The following CCDC60 variants were observed in gnomAD, a reference collection of about 807,000 sequenced individuals.
CCDC60 encodes coiled-coil domain containing 60, also known as coiled-coil domain-containing protein 60.
CCDC60 carries 54 observed loss-of-function variants against 63.5 expected under a neutral mutation model. That is an observed-to-expected ratio of 0.85 (90% CI 0.68 to 1.07). The LOEUF (loss-of-function observed/expected upper bound fraction) is 1.07. Ranked by LOEUF, CCDC60 falls within the 50% of genes least tolerant of loss-of-function variation. The pLI, the probability that CCDC60 is intolerant of heterozygous loss-of-function variation, is 0.00. For synonymous variants in CCDC60, 206 were observed against 238.8 expected (o/e 0.86, Z 1.27); for missense variants, 651 against 684.3 (o/e 0.95, Z 0.54).
At chr12:119,399,706 A>G (rs1301614821) in intron 1 of CCDC60, among the ~76,000 whole-genome samples, 1 of 152,180 alleles carries the variant, frequency 6.6e-6, no homozygotes, top group East Asian at 1.9e-4. Context: ...GATGTATGTG[A>G]TGCCATCAGC....
intron 1 of CCDC60, among the ~76,000 whole-genome samples, chr12:119,396,715 A>G (rs909907457): frequency 1.1e-4 from 17 of 152,174 alleles, no homozygotes; most frequent in African/African-American, 4.1e-4. Flanking sequence ...CCCAGTCTCT[A>G]CAAAAAAATT....
At chr12:119,494,275 A>G (rs984895675) in intron 5 of CCDC60, among the ~76,000 whole-genome samples, 3 of 152,170 alleles carry the variant, frequency 2.0e-5, no homozygotes, top group Non-Finnish European at 2.9e-5. Flanking sequence ...TTCCCTAGTT[A>G]CAGTGGAGAA....
chr12:119,406,826 G>A (rs908157098), intron 1 of CCDC60, among the ~76,000 whole-genome samples: 1 of 152,146 alleles, frequency 6.6e-6, no homozygotes, highest in Non-Finnish European at 1.5e-5. Context: ...GAGCACCAGA[G>A]GATGCAATAC....
At chr12:119,461,539 G>C (rs1950857092) in intron 2 of CCDC60, among the ~76,000 whole-genome samples, 1 of 152,108 alleles carries the variant, frequency 6.6e-6, no homozygotes, top group South Asian at 2.1e-4. Context: ...CTCACACACA[G>C]ACTCCCATAC....
At chr12:119,412,619 C>A (rs995820750) in intron 1 of CCDC60, among the ~76,000 whole-genome samples, 4 of 152,160 alleles carry the variant, frequency 2.6e-5, no homozygotes, top group Admixed American at 1.3e-4. Flanking sequence ...GGTTCTAGCC[C>A]TCACTCACTC....
chr12:119,379,004 G>A (rs904453589), intron 1 of CCDC60, among the ~76,000 whole-genome samples: 4 of 152,200 alleles, frequency 2.6e-5, no homozygotes, highest in African/African-American at 7.2e-5. Flanking sequence ...GTCATCAGAC[G>A]ACAGCTTTAT....
At chr12:119,385,153 T>C (rs1332586917) in intron 1 of CCDC60, among the ~76,000 whole-genome samples, 3 of 152,250 alleles carry the variant, frequency 2.0e-5, no homozygotes, top group African/African-American at 7.2e-5. Context: ...GGACAAGGAC[T>C]GTGCTGGAAA....
At chr12:119,481,996 ATG>A (rs1491144375) in intron 4 of CCDC60, among the ~76,000 whole-genome samples, 3 of 107,978 alleles carry the variant, frequency 2.8e-5, no homozygotes, top group African/African-American at 6.7e-5. Flanking sequence ...GTATATATAT[ATG>A]TATATATAGT....
intron 1 of CCDC60, among the ~76,000 whole-genome samples, chr12:119,362,564 G>C (rs1955801814): frequency 1.3e-5 from 2 of 151,888 alleles, no homozygotes; most frequent in African/African-American, 4.8e-5. Flanking sequence ...ATTATATCTG[G>C]GTGATTTAAT....
intron 1 of CCDC60, among the ~76,000 whole-genome samples, chr12:119,422,851 A>AT (rs146694295): frequency 0.012 from 1,893 of 152,194 alleles, 40 homozygotes; most frequent in African/African-American, 0.039. Flanking sequence ...GGTTTTTGCC[A>AT]TTTTAATGGC....
At chr12:119,522,168 A>G (rs988360448) in intron 9 of CCDC60, among the ~76,000 whole-genome samples, 1 of 152,242 alleles carries the variant, frequency 6.6e-6, no homozygotes, top group African/African-American at 2.4e-5. Context: ...ACAGTTTTCC[A>G]AGCATTTGGA....
At chr12:119,499,748 T>C (rs1951802888) in intron 5 of CCDC60, among the ~76,000 whole-genome samples, 1 of 152,172 alleles carries the variant, frequency 6.6e-6, no homozygotes, top group Non-Finnish European at 1.5e-5. Flanking sequence ...AACATGCTTT[T>C]CAATTCACCC....
chr12:119,467,651 C>G (rs1950976238), intron 2 of CCDC60, among the ~76,000 whole-genome samples: 1 of 152,224 alleles, frequency 6.6e-6, no homozygotes, highest in Non-Finnish European at 1.5e-5. Context: ...GCCACCCAGT[C>G]TATGGTATTT....
chr12:119,369,783 C>T (rs1385525105), intron 1 of CCDC60, among the ~76,000 whole-genome samples: 1 of 152,134 alleles, frequency 6.6e-6, no homozygotes, highest in Non-Finnish European at 1.5e-5. Flanking sequence ...TTGCCTGCTG[C>T]CTCCCAGTAC....
intron 2 of CCDC60, among the ~76,000 whole-genome samples, chr12:119,448,247 C>A (rs946620908): frequency 3.3e-5 from 5 of 151,666 alleles, no homozygotes; most frequent in African/African-American, 1.2e-4. Flanking sequence ...GATAATGTCA[C>A]AAGGTATACA....
At chr12:119,386,682 A>G (rs1956066387) in intron 1 of CCDC60, among the ~76,000 whole-genome samples, 1 of 152,158 alleles carries the variant, frequency 6.6e-6, no homozygotes, top group Non-Finnish European at 1.5e-5. Context: ...TTTTGCAGAA[A>G]TGACACTGTC....
At chr12:119,523,416 G>A (rs944907381) in intron 10 of CCDC60, among the ~76,000 whole-genome samples, 25 of 152,308 alleles carry the variant, frequency 1.6e-4, no homozygotes, top group African/African-American at 2.2e-4. Flanking sequence ...TCCATCTCCC[G>A]TCCTTAACAT....
At chr12:119,386,637 A>T (rs1453784735) in intron 1 of CCDC60, among the ~76,000 whole-genome samples, 3 of 152,212 alleles carry the variant, frequency 2.0e-5, no homozygotes, top group Non-Finnish European at 4.4e-5. Context: ...GCAGCATTCC[A>T]GCCTTGGAAA....
At chr12:119,429,555 A>T (rs934471804) in intron 2 of CCDC60, 2 of 152,152 alleles carry the variant, frequency 1.3e-5, no homozygotes, top group African/African-American at 4.8e-5. Flanking sequence ...TTGATCTTAG[A>T]CATCTCCCAC....
Sources: gnomAD v4.1 joint callset for allele counts (sites outside exome capture counted in the v4.1 genomes callset) on GRCh38, gnomAD v4.1.1 for gene constraint, MANE v1.5 for transcripts, NCBI Gene and HGNC (gene_info 2026-07-23, HGNC 2026-07-21) for gene names.